The following GSN variants were observed in gnomAD, a reference collection of about 807,000 sequenced individuals.
GSN encodes the protein gelsolin, also known as actin-depolymerizing factor.
In GSN, 56 loss-of-function variants were observed where a neutral mutation model predicts 85.7. The observed-to-expected ratio is 0.65, with a 90% CI of 0.53 to 0.82. The LOEUF (loss-of-function observed/expected upper bound fraction) is 0.82. Ranked by LOEUF, GSN falls within the 40% of genes least tolerant of loss-of-function variation. The pLI is 0.00. For synonymous variants in GSN, 373 were observed against 399.1 expected (o/e 0.93, Z 0.78); for missense variants, 857 against 979.8 (o/e 0.87, Z 1.67).
At position 121,255,068 on chromosome 9, in the gene GSN, C is replaced by T. The variant is rs528166877; in HGVS notation, c.-341+6745C>T. Among the ~76,000 whole-genome samples the T allele has an allele frequency of 2.6e-5, 4 of 152,236 alleles. No individual in the cohort carries two copies. The South Asian group carries it at 6.2e-4, about 24-fold the overall frequency. On this transcript the variant is annotated intron_variant, in intron 6 of 24. Transcript: ENST00000373823. The stretch of plus-strand genomic sequence containing the variant: ...GGTTCACACCATTCTCCTCCCTCAG[C>T]CTCCCGAGTAGCTGGGACTACAGGC...
chr9:121,210,586 C>T (rs941615724), intron 3 of GSN, among the ~76,000 whole-genome samples: 1 of 152,170 alleles, frequency 6.6e-6, no homozygotes, highest in African/African-American at 2.4e-5. Context: ...AGTTTATCCT[C>T]TGTGAAATGG....
At chr9:121,212,670 G>T (rs1306984215) in intron 4 of GSN, among the ~76,000 whole-genome samples, 3 of 148,606 alleles carry the variant, frequency 2.0e-5, no homozygotes, top group Non-Finnish European at 3.0e-5. Context: ...CTGAGATGGA[G>T]TCTTGCTCTG....
chr9:121,303,161 G>T, intron 4 of GSN, 96 bp downstream of exon 4: 3 of 1,190,760 alleles, frequency 2.5e-6, no homozygotes, highest in Non-Finnish European at 1.2e-6. Flanking sequence ...GTGATGCAGT[G>T]GGCAGACCGA....
chr9:121,205,742 T>G (rs1384769988), upstream of GSN, among the ~76,000 whole-genome samples: 1 of 152,182 alleles, frequency 6.6e-6, no homozygotes, highest in African/African-American at 2.4e-5. Context: ...GTGCAGGTTG[T>G]TTGTCACCTG....
At chr9:121,210,430 A>G (rs1001140371) in intron 3 of GSN, 1 of 152,186 alleles carries the variant, frequency 6.6e-6, no homozygotes, top group African/African-American at 2.4e-5. Flanking sequence ...CCTCATATTG[A>G]TAGAGTTGGG....
chr9:121,237,612 C>A (rs368569417), intron 5 of GSN, among the ~76,000 whole-genome samples: 2 of 152,260 alleles, frequency 1.3e-5, no homozygotes, highest in South Asian at 4.1e-4. Context: ...TTGCTTAGAG[C>A]AGCAGCACAG....
At position 121,313,928 on chromosome 9, in the gene GSN, C is replaced by T; in HGVS notation, c.664-6C>T. 1 of 1,611,324 alleles carries T rather than the reference C, an allele frequency of 6.2e-7. No individual in the cohort carries two copies. The highest frequency in any genetic ancestry group is 1.3e-5 in the African/African-American group (1 of 75,004). ...CCCTTCCTCTCCATCTCTCTATCTCCTACAGGTGCTGGGCCCCAAGCCGGC... is the reference window on the plus strand; with the variant it reads ...CCCTTCCTCTCCATCTCTCTATCTCTTACAGGTGCTGGGCCCCAAGCCGGC... On this transcript the variant is annotated splice_polypyrimidine_tract_variant and splice_region_variant and intron_variant, in intron 6 of 17. Coordinates refer to ENST00000432226, the MANE Select transcript of GSN (RefSeq NM_198252.3).
chr9:121,271,950 A>G (rs985557260), intron 1 of GSN, among the ~76,000 whole-genome samples: 1 of 152,202 alleles, frequency 6.6e-6, no homozygotes, highest in African/African-American at 2.4e-5. Context: ...GGAAAACTGG[A>G]CACTCTCCTG....
Position 121,318,469 on chromosome 9 carries a change from A to C in GSN, c.950A>C (p.Lys317Thr). 6.2e-7 allele frequency: 1 copy of C among 1,613,950 alleles called. No homozygotes were observed. Among genetic ancestry groups the C allele is most frequent in the Admixed American group, 1.7e-5 (1 of 60,030 alleles). Residue 317 changes from lysine to threonine, a missense_variant, in exon 9 of 18, where the codon AAG (lysine) becomes ACG (threonine). Physicochemically the swap from Lys to Thr is moderately conservative, Grantham distance 78. Transcript: ENST00000432226. The surrounding 1 kb of genome is among the most constrained non-coding windows in gnomAD (Gnocchi z 4.3). ...AAAACAGCCTCTGACTTCATCACCAAGATGGACTACCCCAAGCAGACTCAG... is the reference window on the plus strand; with the variant it reads ...AAAACAGCCTCTGACTTCATCACCACGATGGACTACCCCAAGCAGACTCAG... The part of the protein sequence containing the change: ...ALKTASDFIT[K>T]MDYPKQTQVS...
At chr9:121,300,620 G>A (rs1302883723) in intron 2 of GSN, among the ~76,000 whole-genome samples, 5 of 151,882 alleles carry the variant, frequency 3.3e-5, no homozygotes, top group Admixed American at 6.6e-5. Context: ...TTTTGTCCTC[G>A]ACTCCAGCCT....
rs900653336 is a variant in GSN, at chr9:121,287,595, G to T, written c.-10+6033G>T. On this transcript the variant is annotated intron_variant, in intron 2 of 17. Coordinates refer to ENST00000432226, the MANE Select transcript of GSN (RefSeq NM_198252.3). Reference sequence around the variant, plus strand: ...TCCCAGCTGGGCCTCAGAGCAGCTCGGCCTCTGATTGAACTTCACTGACCC... The same window carrying T: ...TCCCAGCTGGGCCTCAGAGCAGCTCTGCCTCTGATTGAACTTCACTGACCC... 2.0e-5 allele frequency among the ~76,000 whole-genome samples: 3 copies of T among 152,070 alleles called. No individual in the cohort carries two copies. The East Asian group carries it at 5.8e-4, about 29-fold the overall frequency.
chr9:121,276,372 C>G lies in GSN; in HGVS notation c.-102-5098C>G, dbSNP rs1005611047. Among the ~76,000 whole-genome samples the G allele has an allele frequency of 5.3e-5, 8 of 152,350 alleles. No individual in the cohort carries two copies. In the South Asian group the frequency reaches 1.4e-3, roughly 28 times the overall value. The stretch of plus-strand genomic sequence containing the variant: ...GTAAAATGGGCTACATCCTTAGCAT[C>G]CGTGCCAGCCTGTGGTGACCAGCTG... On this transcript the variant is annotated intron_variant, in intron 1 of 17. Coordinates refer to ENST00000432226, the MANE Select transcript of GSN (RefSeq NM_198252.3).
At chr9:121,286,918 G>A (rs2058158984) in intron 2 of GSN, among the ~76,000 whole-genome samples, 1 of 152,214 alleles carries the variant, frequency 6.6e-6, no homozygotes, top group Admixed American at 6.5e-5. Flanking sequence ...TGGGTTTTGG[G>A]GAGGATTCAA....
rs1358284064 is a variant in GSN at position 121,302,138 on chromosome 9, A to G, written c.167A>G (p.Asn56Ser). 1 of 1,614,004 alleles carries G rather than the reference A, an allele frequency of 6.2e-7. No individual in the cohort carries two copies. Among genetic ancestry groups the G allele is most frequent in the Non-Finnish European group, 8.5e-7 (1 of 1,180,008 alleles). ...AAGACAGTGCAGCTGAGGAACGGAA[A>G]TCTGCAGTATGACCTCCACTACTGG... ...ILKTVQLRNGNLQYDLHYWLG... is the reference protein window; with the variant it reads ...ILKTVQLRNGSLQYDLHYWLG... Residue 56 changes from asparagine (N) to serine (S), a missense_variant, in exon 3 of 18, where the codon AAT (asparagine) becomes AGT (serine). Physicochemically the swap from Asn to Ser is conservative, Grantham distance 46. Coordinates refer to ENST00000432226, the MANE Select transcript of GSN (RefSeq NM_198252.3).
rs2059573268 is a variant in GSN, at chr9:121,299,654, C to T, written c.-9-2309C>T. ...TATGTCAGGCCTGGTGCTGGGTCTC[C>T]GCCCCGGAGCTGGGGTGCAGGGGCT... On this transcript the variant is annotated intron_variant, in intron 2 of 17. Coordinates refer to ENST00000432226, the MANE Select transcript of GSN (RefSeq NM_198252.3). This position sits in a 1 kb window ranked among gnomAD's most constrained non-coding sequence, Gnocchi z 4.2. 6.3e-6 allele frequency: 4 copies of T among 637,736 alleles called. No individual in the cohort carries two copies. The highest frequency in any genetic ancestry group is 8.4e-6 in the Non-Finnish European group (4 of 475,226). 39.5% of individuals were successfully genotyped at this position (637,736 alleles called of 1,614,324 possible).
chr9:121,216,129 G>A (rs1053275922), intron 4 of GSN, among the ~76,000 whole-genome samples: 1 of 152,070 alleles, frequency 6.6e-6, no homozygotes, highest in African/African-American at 2.4e-5. Context: ...TGTATTTTTA[G>A]TAGAGACGGG....
intron 5 of GSN, among the ~76,000 whole-genome samples, chr9:121,232,774 G>T (rs2054418238): frequency 6.6e-6 from 1 of 152,204 alleles, no homozygotes; most frequent in Non-Finnish European, 1.5e-5. Flanking sequence ...TCTCAGGCAG[G>T]CCGGAAACCA....
Position 121,299,237 on chromosome 9 carries a change from GC to G in GSN, c.-9-2722del. 1 of 920,024 alleles carries G rather than the reference GC, an allele frequency of 1.1e-6. No homozygotes were observed. Among genetic ancestry groups the G allele is most frequent in the Non-Finnish European group, 1.3e-6 (1 of 770,066 alleles). The allele number at this position is 920,024 out of a possible 1,614,324, so 57.0% of individuals were successfully genotyped here. ...TCCCAGGAGCTGAGCGTTCTGCCCC[GC>G]CCCTCTGAGTCCTGCCGGCTTCACC... On this transcript the variant is annotated intron_variant, in intron 2 of 17. Transcript: ENST00000432226. This position sits in a 1 kb window ranked among gnomAD's most constrained non-coding sequence, Gnocchi z 4.2.
intron 2 of GSN, among the ~76,000 whole-genome samples, chr9:121,288,861 T>A (rs1423267613): frequency 6.6e-6 from 1 of 152,118 alleles, no homozygotes; most frequent in Non-Finnish European, 1.5e-5. Context: ...ACATGGTGCA[T>A]GAAGCATGAC....
Sources: allele counts gnomAD v4.1 joint callset (sites outside exome capture counted in the v4.1 genomes callset), GRCh38; gene constraint gnomAD v4.1.1; non-coding constraint Gnocchi (gnomAD v3.1); transcripts MANE v1.5; gene names NCBI Gene and HGNC (gene_info 2026-07-23, HGNC 2026-07-21).